The following HS3ST4 variants were observed in gnomAD, a reference collection of about 807,000 sequenced individuals.
HS3ST4 encodes the protein heparan sulfate-glucosamine 3-sulfotransferase 4, also known as heparan sulfate glucosamine 3-O-sulfotransferase 4.
HS3ST4 carries 17 observed loss-of-function variants against 29.2 expected under a neutral mutation model. The ratio of observed to expected loss-of-function variants is 0.58; its 90% CI spans 0.40 to 0.87. The LOEUF (loss-of-function observed/expected upper bound fraction) is 0.87, where lower values mean the gene tolerates loss of function less well. Ranked by LOEUF, HS3ST4 falls within the 40% of genes least tolerant of loss-of-function variation. The probability of loss-of-function intolerance (pLI) is 0.00; values close to 1 mark genes in which losing one functional copy is unlikely to be tolerated. For synonymous variants in HS3ST4, 314 were observed against 285.7 expected, an observed-to-expected ratio of 1.10 and a Z score of -1.00; for missense variants, 627 against 634.5, an observed-to-expected ratio of 0.99 and a Z score of 0.13.
chr16:25,706,167 T>A (rs1299850548), intron 1 of HS3ST4, among the ~76,000 whole-genome samples: 2 of 152,184 alleles, frequency 1.3e-5, no homozygotes, highest in Non-Finnish European at 2.9e-5. Context: ...ACGTCATTTT[T>A]AAAATACCGA....
intron 1 of HS3ST4, among the ~76,000 whole-genome samples, chr16:26,012,013 A>G (rs1044501276): frequency 2.6e-5 from 4 of 152,176 alleles, no homozygotes; most frequent in Non-Finnish European, 5.9e-5. Flanking sequence ...GGGAAACAGA[A>G]TAGATTCTAC....
intron 1 of HS3ST4, among the ~76,000 whole-genome samples, chr16:25,792,619 A>G (rs1429116116): frequency 6.6e-6 from 1 of 151,916 alleles, no homozygotes; most frequent in African/African-American, 2.4e-5. Context: ...TACCTTTAAA[A>G]TATCTGTAGG....
intron 1 of HS3ST4, among the ~76,000 whole-genome samples, chr16:25,959,620 A>T (rs544341781): frequency 6.6e-6 from 1 of 152,320 alleles, no homozygotes; most frequent in Admixed American, 6.5e-5. Context: ...CCTTGAAAAT[A>T]TAGTTGCCTA....
Position 25,813,070 on chromosome 16 carries a change from C to T in HS3ST4, c.734+119919C>T, listed in dbSNP as rs192454772. Reference sequence around the variant, plus strand: ...TCTGACAAAGGGCTCATGTCCAGAACGTATAAAGAACGCCTACGTATCTAC... The same window carrying T: ...TCTGACAAAGGGCTCATGTCCAGAATGTATAAAGAACGCCTACGTATCTAC... On this transcript the variant is annotated intron_variant, in intron 1 of 1. Transcript: ENST00000331351. Among the ~76,000 whole-genome samples the T allele has an allele frequency of 1.1e-3, 164 of 152,172 alleles. 2 individuals carry two copies. The highest frequency in any genetic ancestry group is 3.5e-3 in the African/African-American group (144 of 41,504).
intron 1 of HS3ST4, among the ~76,000 whole-genome samples, chr16:25,973,182 C>A (rs1281642253): frequency 1.3e-5 from 2 of 152,114 alleles, no homozygotes; most frequent in Admixed American, 6.5e-5. Flanking sequence ...TGGATGTGCA[C>A]AGGGATTAGC....
intron 1 of HS3ST4, among the ~76,000 whole-genome samples, chr16:25,999,864 T>TTA (rs771560222): frequency 3.1e-5 from 4 of 129,198 alleles, no homozygotes; most frequent in African/African-American, 1.2e-4. Context: ...TATATATATA[T>TTA]TATATATTTT....
intron 1 of HS3ST4, among the ~76,000 whole-genome samples, chr16:25,960,071 G>A (rs113302800): frequency 0.085 from 12,860 of 152,144 alleles, 692 homozygotes; most frequent in African/African-American, 0.13. Flanking sequence ...AGGAGGCAGA[G>A]GTTGCAGTAA....
chr16:25,857,957 TTTC>T lies in HS3ST4; in HGVS notation c.734+164809_734+164811del, dbSNP rs1463020725. Among the ~76,000 whole-genome samples, 476 of 57,846 alleles carry T rather than the reference TTTC, an allele frequency of 8.2e-3. 11 individuals are homozygous for T. The highest frequency in any genetic ancestry group is 0.039 in the African/African-American group (434 of 11,190). The allele number at this position is 57,846 out of a possible 152,430, so 37.9% of individuals were successfully genotyped here. On this transcript the variant is annotated intron_variant, in intron 1 of 1. Coordinates refer to ENST00000331351, the MANE Select transcript of HS3ST4 (RefSeq NM_006040.3). The stretch of plus-strand genomic sequence containing the variant: ...CTTTCTTTCTTTCTTTCTTTCTTTC[TTTC>T]TTTCTTTCTTTCTCTTTTCTGTCTT...
intron 1 of HS3ST4, among the ~76,000 whole-genome samples, chr16:26,111,947 G>A (rs941225136): frequency 3.3e-5 from 5 of 151,890 alleles, no homozygotes; most frequent in Non-Finnish European, 7.4e-5. Flanking sequence ...AACCCGGGAG[G>A]CGGAGGTTGC....
At chr16:25,720,435 G>C (rs1567226626) in intron 1 of HS3ST4, among the ~76,000 whole-genome samples, 1 of 152,148 alleles carries the variant, frequency 6.6e-6, no homozygotes, top group Non-Finnish European at 1.5e-5. Context: ...TTTATAGGGA[G>C]ACAAGAGAGA....
chr16:25,910,502 G>A (rs928768171), intron 1 of HS3ST4, among the ~76,000 whole-genome samples: 1 of 152,060 alleles, frequency 6.6e-6, no homozygotes, highest in Non-Finnish European at 1.5e-5. Flanking sequence ...ATTTAGCCAG[G>A]TGTGGTGGTG....
At chr16:25,758,839 C>G (rs963469869) in intron 1 of HS3ST4, among the ~76,000 whole-genome samples, 1 of 151,942 alleles carries the variant, frequency 6.6e-6, no homozygotes, top group Non-Finnish European at 1.5e-5. Context: ...GCCTGTAATC[C>G]CAGCTACTCG....
At chr16:25,867,144 C>T (rs1210525687) in intron 1 of HS3ST4, among the ~76,000 whole-genome samples, 8 of 152,148 alleles carry the variant, frequency 5.3e-5, no homozygotes, top group Admixed American at 4.6e-4. Context: ...AAAATCCTAT[C>T]GTCTATTGAG....
chr16:25,893,683 G>A (rs569865083), intron 1 of HS3ST4, among the ~76,000 whole-genome samples: 7 of 152,340 alleles, frequency 4.6e-5, no homozygotes, highest in African/African-American at 1.4e-4. Flanking sequence ...TTAGAGCCTG[G>A]AAATGGGGGC....
At chr16:25,952,906 G>GAGCTTCCC (rs71158982) in intron 1 of HS3ST4, among the ~76,000 whole-genome samples, 32,712 of 151,812 alleles carry the variant, frequency 0.22, 4,313 homozygotes, top group Non-Finnish European at 0.29. Context: ...AGTGTCCTTG[G>GAGCTTCCC]AGCTTCCCAG....
At chr16:25,706,204 G>A (rs929615539) in intron 1 of HS3ST4, among the ~76,000 whole-genome samples, 2 of 151,872 alleles carry the variant, frequency 1.3e-5, no homozygotes, top group African/African-American at 2.4e-5. Context: ...ACGGAGCTAC[G>A]GGTCACACTT....
intron 1 of HS3ST4, among the ~76,000 whole-genome samples, chr16:25,798,857 A>C (rs1321243103): frequency 2.0e-5 from 3 of 152,174 alleles, no homozygotes; most frequent in Non-Finnish European, 4.4e-5. Flanking sequence ...ACCTTGATTC[A>C]TCAGACATGC....
At chr16:25,886,223 G>C (rs1194446012) in intron 1 of HS3ST4, among the ~76,000 whole-genome samples, 1 of 151,806 alleles carries the variant, frequency 6.6e-6, no homozygotes, top group South Asian at 2.1e-4. Flanking sequence ...AGTAGAGATG[G>C]GGTTTCACCA....
intron 1 of HS3ST4, among the ~76,000 whole-genome samples, chr16:25,960,806 G>T (rs1035650885): frequency 6.6e-6 from 1 of 152,172 alleles, no homozygotes; most frequent in Non-Finnish European, 1.5e-5. Context: ...TTGTATGTTT[G>T]CCTTGCTTAG....
Sources: allele counts gnomAD v4.1 joint callset (sites outside exome capture counted in the v4.1 genomes callset), GRCh38; gene constraint gnomAD v4.1.1; transcripts MANE v1.5; gene names NCBI Gene and HGNC (gene_info 2026-07-23, HGNC 2026-07-21).